DGKK: variants seen among roughly 807,000 people sequenced by gnomAD.
The protein encoded by DGKK is diacylglycerol kinase kappa.
Under a neutral mutation model 92.2 loss-of-function variants are expected in DGKK, and 35 were observed. The observed-to-expected ratio is 0.38, with a 90% confidence interval of 0.29 to 0.50. The LOEUF (loss-of-function observed/expected upper bound fraction) is 0.50. DGKK is among the 20% of genes least tolerant of loss of function. DGKK has a pLI of 0.92. For missense variants in DGKK, 910 were observed against 992.2 expected, an observed-to-expected ratio of 0.92 and a Z score of 1.11; for synonymous variants, 368 against 360.6, an observed-to-expected ratio of 1.02 and a Z score of -0.23.
At chrX:50,456,299 G>A (rs1445342755) in intron 1 of DGKK, among the ~76,000 whole-genome samples, 1 of 111,820 alleles carries the variant, frequency 8.9e-6, no homozygotes, top group Non-Finnish European at 1.9e-5. Flanking sequence ...GACTGCCAAA[G>A]GAACATCAGA....
chrX:50,375,144 G>T, intron 24 of DGKK, 87 bp from the exon 25 acceptor site: 1 of 701,545 alleles, frequency 1.4e-6, no homozygotes, highest in South Asian at 2.4e-5. Context: ...TTCTCCGTGG[G>T]AAGGTAGAAG....
At chrX:50,461,242 C>T (rs962394505) in intron 1 of DGKK, among the ~76,000 whole-genome samples, 1 of 111,766 alleles carries the variant, frequency 8.9e-6, no homozygotes, top group South Asian at 3.8e-4. Context: ...GAACTTTAAG[C>T]TAAAATGAAC....
At chrX:50,393,008 T>G in intron 9 of DGKK, 144 bp downstream of exon 9, 1 of 486,444 alleles carries the variant, frequency 2.1e-6, no homozygotes, top group Non-Finnish European at 3.3e-6. Context: ...GGCTCTGGAG[T>G]TATGTGCTTG....
intron 1 of DGKK, among the ~76,000 whole-genome samples, chrX:50,434,839 A>G (rs1557230619): frequency 8.9e-6 from 1 of 112,202 alleles, no homozygotes; most frequent in Non-Finnish European, 1.9e-5. Context: ...CTTGCAACCT[A>G]AAGCCAAAAA....
chrX:50,418,383 A>C (rs1266672141), intron 4 of DGKK, among the ~76,000 whole-genome samples: 1 of 111,431 alleles, frequency 9.0e-6, no homozygotes, highest in Non-Finnish European at 1.9e-5. Context: ...TATGAAACAG[A>C]ATTGGGCAAC....
chrX:50,377,542 G>T (rs1341774216), intron 22 of DGKK, among the ~76,000 whole-genome samples: 4 of 112,061 alleles, frequency 3.6e-5, no homozygotes, highest in Non-Finnish European at 7.5e-5. Context: ...CTGTTTCCAT[G>T]GACTTTTCAC....
At chrX:50,374,169 G>A (rs1421207656) in intron 25 of DGKK, among the ~76,000 whole-genome samples, 2 of 111,986 alleles carry the variant, frequency 1.8e-5, no homozygotes, top group Non-Finnish European at 1.9e-5. Context: ...GGTCATTGCA[G>A]ATGCAATTAG....
intron 1 of DGKK, among the ~76,000 whole-genome samples, chrX:50,464,805 T>C (rs920457355): frequency 5.4e-5 from 6 of 111,751 alleles, no homozygotes; most frequent in Non-Finnish European, 1.1e-4. Flanking sequence ...AAATTCATCA[T>C]CTTAACATAC....
chrX:50,413,937 G>A (rs1429126269), intron 4 of DGKK, among the ~76,000 whole-genome samples: 3 of 111,989 alleles, frequency 2.7e-5, no homozygotes, highest in Non-Finnish European at 5.6e-5. Context: ...ATTCACAATA[G>A]TCAAGCTATG....
intron 21 of DGKK, 46 bp from the exon 22 acceptor site, chrX:50,378,278 T>A: frequency 8.5e-7 from 1 of 1,176,191 alleles, no homozygotes; most frequent in Non-Finnish European, 1.1e-6. Context: ...ATGGGGCAAC[T>A]GCTGTAACTC....
At chrX:50,388,761 G>C (rs1483014110) in intron 12 of DGKK, 143 bp from the exon 13 acceptor site, 4 of 420,467 alleles carry the variant, frequency 9.5e-6, no homozygotes, top group Non-Finnish European at 1.6e-5. Context: ...AATGATCAAA[G>C]AATTCTTGTT....
At chrX:50,469,964 T>C in intron 1 of DGKK, 70 bp downstream of exon 1, 1 of 1,116,118 alleles carries the variant, frequency 9.0e-7, no homozygotes, top group Non-Finnish European at 1.2e-6. Context: ...GTACCCGGAG[T>C]CCCGCGGGCT....
intron 1 of DGKK, among the ~76,000 whole-genome samples, chrX:50,433,749 C>G (rs782180240): frequency 9.0e-6 from 1 of 111,379 alleles, no homozygotes; most frequent in African/African-American, 3.3e-5. Context: ...ACAGGAAATC[C>G]AGTGAAAGGA....
chrX:50,384,044 G>A, intron 17 of DGKK, 124 bp downstream of exon 17: 1 of 361,335 alleles, frequency 2.8e-6, no homozygotes, highest in Non-Finnish European at 4.7e-6. Flanking sequence ...CACTGGTTTA[G>A]TCACTTGCGT....
chrX:50,376,732 C>T, intron 23 of DGKK, 26 bp downstream of exon 23: 1 of 1,138,070 alleles, frequency 8.8e-7, no homozygotes, highest in Non-Finnish European at 1.2e-6. Context: ...GGATTCTCAG[C>T]CCTGTATCTA....
At chrX:50,427,921 T>C (rs908200567) in intron 1 of DGKK, among the ~76,000 whole-genome samples, 1 of 110,991 alleles carries the variant, frequency 9.0e-6, no homozygotes, top group African/African-American at 3.3e-5. Flanking sequence ...CATAAACATA[T>C]ACCCATGTGA....
chrX:50,395,680 T>C (rs782497710), intron 8 of DGKK, among the ~76,000 whole-genome samples: 2 of 110,801 alleles, frequency 1.8e-5, no homozygotes, highest in East Asian at 2.8e-4. Context: ...AAGCCAATCA[T>C]TATGCTCATA....
chrX:50,417,296 T>G (rs781985464), intron 4 of DGKK, among the ~76,000 whole-genome samples: 2 of 110,270 alleles, frequency 1.8e-5, no homozygotes, highest in African/African-American at 6.6e-5. Flanking sequence ...GAAAAAAATT[T>G]CCAAGATTTA....
intron 4 of DGKK, among the ~76,000 whole-genome samples, chrX:50,411,824 C>A (rs1332707969): frequency 9.0e-6 from 1 of 111,230 alleles, no homozygotes. Flanking sequence ...TTTAAAAAAA[C>A]CTAAAGACTC....
Sources: allele counts gnomAD v4.1 joint callset (sites outside exome capture counted in the v4.1 genomes callset), GRCh38; gene constraint gnomAD v4.1.1; transcripts MANE v1.5; gene names NCBI Gene and HGNC (gene_info 2026-07-23, HGNC 2026-07-21).